Variants in SGCD observed in about 807,000 individuals in gnomAD.
SGCD encodes sarcoglycan delta, also known as delta-sarcoglycan.
In SGCD, 18 loss-of-function variants were observed where a neutral mutation model predicts 36.6. The observed-to-expected ratio is 0.49, with a 90% CI of 0.34 to 0.73. The LOEUF (loss-of-function observed/expected upper bound fraction) is 0.73. Ranked by LOEUF, SGCD falls within the 30% of genes least tolerant of loss-of-function variation. The probability of loss-of-function intolerance (pLI) is 0.01; values close to 1 mark genes in which losing one functional copy is unlikely to be tolerated. For synonymous variants in SGCD, 133 were observed against 130.6 expected (o/e 1.02, Z -0.12); for missense variants, 387 against 346.7 (o/e 1.12, Z -0.92).
At chr5:156,322,336 AT>A (rs368507448), upstream of SGCD, among the ~76,000 whole-genome samples, 169 of 150,558 alleles carry the variant, frequency 1.1e-3, 2 homozygotes, top group South Asian at 4.6e-3. Flanking sequence ...CTGTACTTGG[AT>A]TTTTTTTTTA....
rs113494036 is a variant in SGCD, at chr5:156,522,856, G to A, written c.294+14154G>A. On this transcript the variant is annotated intron_variant, in intron 4 of 8. Coordinates refer to ENST00000337851, the MANE Select transcript of SGCD (RefSeq NM_000337.6). ...ATTCCACATATAAAATGGGGCATGA[G>A]GGTATCCAAGTTTGTCAATATTTAT... 2.6e-5 allele frequency among the ~76,000 whole-genome samples: 4 copies of A among 151,880 alleles called. 1 individual carries two copies. Among genetic ancestry groups the A allele is most frequent in the African/African-American group, 9.7e-5 (4 of 41,336 alleles).
the SGCD span, among the ~76,000 whole-genome samples, chr5:155,776,377 AAC>A: frequency 6.6e-6 from 1 of 152,162 alleles, no homozygotes; most frequent in African/African-American, 2.4e-5. Flanking sequence ...GAATATGAAT[AAC>A]AGTTATCATC....
intron 4 of SGCD, among the ~76,000 whole-genome samples, chr5:156,559,348 G>C (rs937598362): frequency 1.3e-5 from 2 of 152,148 alleles, no homozygotes; most frequent in Admixed American, 6.6e-5. Flanking sequence ...CCACACCAGT[G>C]TAAGAAAGGT....
At chr5:156,704,934 A>G (rs1472021383) in intron 7 of SGCD, among the ~76,000 whole-genome samples, 3 of 151,996 alleles carry the variant, frequency 2.0e-5, no homozygotes, top group South Asian at 4.1e-4. Context: ...AGTACTAACC[A>G]ACCTCAAAAC....
At position 156,508,143 on chromosome 5, in the gene SGCD, T is replaced by C. The variant is rs1756784629; in HGVS notation, c.193-458T>C. On this transcript the variant is annotated intron_variant, in intron 3 of 8. Transcript: ENST00000337851. Reference sequence around the variant, plus strand: ...TTTTTAAAAAATATTAGCAACTAACTTGACTCTTTACATGTTTTGTGACTC... The same window carrying C: ...TTTTTAAAAAATATTAGCAACTAACCTGACTCTTTACATGTTTTGTGACTC... Among the ~76,000 whole-genome samples, 3 of 152,188 alleles carry C rather than the reference T, an allele frequency of 2.0e-5. No individual in the cohort carries two copies. The South Asian group carries it at 6.2e-4, about 31-fold the overall frequency.
At chr5:156,165,955 A>G (rs1047153184) in intron 3 of SGCD, among the ~76,000 whole-genome samples, 1 of 152,208 alleles carries the variant, frequency 6.6e-6, no homozygotes, top group African/African-American at 2.4e-5. Context: ...TTTGACGGAG[A>G]TGCTTAAGTA....
At chr5:156,135,904 G>C (rs1413372241) in intron 3 of SGCD, among the ~76,000 whole-genome samples, 1 of 152,022 alleles carries the variant, frequency 6.6e-6, no homozygotes, top group African/African-American at 2.4e-5. Context: ...TGAGTTTTCT[G>C]ACTGGTGTTG....
At chr5:156,551,900 A>T (rs1758812356) in intron 4 of SGCD, among the ~76,000 whole-genome samples, 1 of 152,180 alleles carries the variant, frequency 6.6e-6, no homozygotes, top group Non-Finnish European at 1.5e-5. Flanking sequence ...AGGTCTTACA[A>T]AAAGGTCATC....
At chr5:155,879,999 T>A (rs1374845440) in intron 1 of SGCD, among the ~76,000 whole-genome samples, 1 of 152,170 alleles carries the variant, frequency 6.6e-6, no homozygotes, top group Non-Finnish European at 1.5e-5. Context: ...GGGGGAGTTT[T>A]GCAGTAAATC....
the SGCD span, among the ~76,000 whole-genome samples, chr5:155,809,630 A>G: frequency 6.6e-6 from 1 of 152,224 alleles, no homozygotes; most frequent in Non-Finnish European, 1.5e-5. Context: ...AAGTGAAGAC[A>G]GGGAAAAAGA....
In SGCD at chr5:156,594,920, T is replaced by TC. The variant is rs1232243963; in HGVS notation, c.383-12_383-11insC. ...TCTCCTCTCTATCTCTCTATCTCTC[T>TC]ATATCTCTCAGGTCCAAAAGCCGTA... On this transcript the variant is annotated splice_polypyrimidine_tract_variant and intron_variant, in intron 5 of 8. Transcript: ENST00000337851. 4 of 1,569,934 alleles carry TC rather than the reference T, an allele frequency of 2.5e-6. No individual in the cohort carries two copies. Among genetic ancestry groups the TC allele is most frequent in the Non-Finnish European group, 3.5e-6 (4 of 1,145,016 alleles).
At chr5:156,521,883 G>A (rs115672382) in intron 4 of SGCD, among the ~76,000 whole-genome samples, 18,729 of 152,156 alleles carry the variant, frequency 0.12, 1,323 homozygotes, top group Admixed American at 0.17. Context: ...CCATTATAAA[G>A]ATACATACAT....
chr5:156,625,564 A>T (rs1762407802), intron 6 of SGCD, among the ~76,000 whole-genome samples: 1 of 152,194 alleles, frequency 6.6e-6, no homozygotes. Flanking sequence ...GCTAGATTCC[A>T]GTTAGAGGTT....
chr5:156,605,639 G>A (rs1341944801), intron 6 of SGCD, among the ~76,000 whole-genome samples: 2 of 152,168 alleles, frequency 1.3e-5, no homozygotes, highest in African/African-American at 2.4e-5. Flanking sequence ...CTTCCACAAT[G>A]GTTGAACTAG....
chr5:156,223,328 T>C (rs377649154), intron 3 of SGCD, among the ~76,000 whole-genome samples: 28 of 152,206 alleles, frequency 1.8e-4, no homozygotes, highest in Middle Eastern at 6.8e-3. Context: ...AGGTGAGTGG[T>C]CAGAGTTATA....
In SGCD at chr5:156,608,391, G is replaced by A. The variant is rs565661910; in HGVS notation, c.502+13340G>A. Among the ~76,000 whole-genome samples the A allele has an allele frequency of 1.6e-4, 25 of 152,092 alleles. 1 individual carries two copies. Among genetic ancestry groups the A allele is most frequent in the African/African-American group, 5.3e-4 (22 of 41,580 alleles). ...CTTAATCCTGAGTTCTAGTTTGATT[G>A]CACTGTGGTCTGAGAGACAGTTTGT... is the stretch of plus-strand genomic sequence containing the variant. On this transcript the variant is annotated intron_variant, in intron 6 of 8. Coordinates refer to ENST00000337851, the MANE Select transcript of SGCD (RefSeq NM_000337.6).
intron 3 of SGCD, among the ~76,000 whole-genome samples, chr5:156,231,502 CTCTA>C (rs1310204886): frequency 9.9e-5 from 15 of 152,246 alleles, no homozygotes; most frequent in African/African-American, 3.6e-4. Flanking sequence ...CCCCACTGCA[CTCTA>C]TCCTGGGCAA....
intron 3 of SGCD, among the ~76,000 whole-genome samples, chr5:156,463,137 GGTTTGTTT>G (rs144573276): frequency 5.3e-4 from 81 of 151,784 alleles, no homozygotes; most frequent in Non-Finnish European, 8.4e-4. Context: ...TTGTTTTTTT[GGTTTGTTT>G]GTTTGTTTGT....
intron 3 of SGCD, among the ~76,000 whole-genome samples, chr5:156,314,840 A>G (rs1421492960): frequency 6.6e-6 from 1 of 152,018 alleles, no homozygotes; most frequent in Admixed American, 6.6e-5. Flanking sequence ...GGTGCATTCC[A>G]TTCAGTGCTT....
Sources: allele counts gnomAD v4.1 joint callset (sites outside exome capture counted in the v4.1 genomes callset), GRCh38; gene constraint gnomAD v4.1.1; transcripts MANE v1.5; gene names NCBI Gene and HGNC (gene_info 2026-07-23, HGNC 2026-07-21).